The following CDKAL1 variants were observed in gnomAD, a reference collection of about 807,000 sequenced individuals.
CDKAL1 encodes the protein CDKAL1 threonylcarbamoyladenosine tRNA methylthiotransferase, also known as threonylcarbamoyladenosine tRNA methylthiotransferase.
In CDKAL1, 32 loss-of-function variants were observed where a neutral mutation model predicts 68.2. The ratio of observed to expected loss-of-function variants is 0.47; its 90% confidence interval spans 0.35 to 0.63. The LOEUF (loss-of-function observed/expected upper bound fraction) is 0.63, where lower values mean the gene tolerates loss of function less well. Among genes scored for constraint, CDKAL1 ranks in the 30% least tolerant of loss-of-function variants. The pLI, the probability that CDKAL1 is intolerant of heterozygous loss-of-function variation, is 0.00. For missense variants in CDKAL1, 606 were observed against 696.7 expected, an observed-to-expected ratio of 0.87 and a Z score of 1.47; for synonymous variants, 234 against 244.3, an observed-to-expected ratio of 0.96 and a Z score of 0.39.
chr6:20,888,625 G>T (rs1289894978), intron 9 of CDKAL1, among the ~76,000 whole-genome samples: 1 of 146,820 alleles, frequency 6.8e-6, no homozygotes, highest in Non-Finnish European at 1.5e-5. Flanking sequence ...GAGGTGTTTG[G>T]TTTTTTGTCC....
At chr6:20,650,426 C>G (rs928771529) in intron 5 of CDKAL1, among the ~76,000 whole-genome samples, 1 of 151,724 alleles carries the variant, frequency 6.6e-6, no homozygotes, top group Non-Finnish European at 1.5e-5. Flanking sequence ...TCCTATATAT[C>G]TGTTTACATT....
intron 15 of CDKAL1, among the ~76,000 whole-genome samples, chr6:21,217,560 C>G (rs777213638): frequency 1.3e-5 from 2 of 151,904 alleles, no homozygotes; most frequent in Non-Finnish European, 2.9e-5. Context: ...TGCAATAACA[C>G]GATCTCGGCT....
chr6:20,928,842 T>G (rs561486871), intron 9 of CDKAL1, among the ~76,000 whole-genome samples: 7 of 152,210 alleles, frequency 4.6e-5, no homozygotes, highest in African/African-American at 1.7e-4. Flanking sequence ...TCTCCAGTAT[T>G]CTTTTATAAG....
At chr6:20,557,954 T>TCAAA (rs1764124780) in intron 4 of CDKAL1, among the ~76,000 whole-genome samples, 1 of 151,208 alleles carries the variant, frequency 6.6e-6, no homozygotes, top group South Asian at 2.1e-4. Flanking sequence ...AACAAACACA[T>TCAAA]CAAACAAACA....
chr6:21,157,646 C>A (rs1392808634), intron 13 of CDKAL1, among the ~76,000 whole-genome samples: 1 of 152,174 alleles, frequency 6.6e-6, no homozygotes, highest in Non-Finnish European at 1.5e-5. Flanking sequence ...TCATCCTAAC[C>A]AAAATCAGTA....
At chr6:21,186,567 G>C (rs1778023195) in intron 13 of CDKAL1, among the ~76,000 whole-genome samples, 1 of 152,126 alleles carries the variant, frequency 6.6e-6, no homozygotes, top group African/African-American at 2.4e-5. Context: ...TGAGCAAGCT[G>C]ATCATGCCAT....
intron 13 of CDKAL1, among the ~76,000 whole-genome samples, chr6:21,130,724 G>C (rs1402476241): frequency 6.6e-6 from 1 of 152,108 alleles, no homozygotes; most frequent in Non-Finnish European, 1.5e-5. Flanking sequence ...CTTTTTACTT[G>C]TCTACTGGTG....
intron 5 of CDKAL1, among the ~76,000 whole-genome samples, chr6:20,699,029 A>G (rs998235150): frequency 8.5e-5 from 13 of 152,110 alleles, no homozygotes; most frequent in African/African-American, 3.1e-4. Context: ...CCATTTTTTT[A>G]AAGTCAGAAA....
At chr6:20,699,211 C>T (rs1356044164) in intron 5 of CDKAL1, among the ~76,000 whole-genome samples, 1 of 152,014 alleles carries the variant, frequency 6.6e-6, no homozygotes, top group African/African-American at 2.4e-5. Flanking sequence ...GGTGGTTTTG[C>T]AGACAGGTGA....
chr6:21,205,540 G>GTTTT (rs145221533), intron 15 of CDKAL1, among the ~76,000 whole-genome samples: 11 of 151,152 alleles, frequency 7.3e-5, no homozygotes, highest in African/African-American at 1.5e-4. Flanking sequence ...GTTTTGTTTT[G>GTTTT]TTTTTTTTGA....
intron 13 of CDKAL1, among the ~76,000 whole-genome samples, chr6:21,131,102 C>G (rs185308226): frequency 6.6e-6 from 1 of 152,130 alleles, no homozygotes; most frequent in Non-Finnish European, 1.5e-5. Flanking sequence ...GGCAATATTA[C>G]GTATATGTCT....
chr6:21,042,946 AACAG>A (rs768014836), intron 11 of CDKAL1, among the ~76,000 whole-genome samples: 5 of 152,204 alleles, frequency 3.3e-5, no homozygotes, highest in Non-Finnish European at 7.3e-5. Flanking sequence ...GTGTATAAAA[AACAG>A]ACATAGAGAT....
intron 6 of CDKAL1, among the ~76,000 whole-genome samples, chr6:20,754,539 T>A (rs1774086180): frequency 6.6e-6 from 1 of 152,334 alleles, no homozygotes; most frequent in Middle Eastern, 3.4e-3. Flanking sequence ...TTGCATTTCC[T>A]GGTTGGCTAA....
At chr6:21,061,112 T>C (rs2150926651) in intron 11 of CDKAL1, among the ~76,000 whole-genome samples, 1 of 152,304 alleles carries the variant, frequency 6.6e-6, no homozygotes, top group East Asian at 1.9e-4. Context: ...TTAAAATATT[T>C]ATGGCTTTCT....
chr6:20,894,147 A>T (rs550865339), intron 9 of CDKAL1, among the ~76,000 whole-genome samples: 4 of 152,310 alleles, frequency 2.6e-5, no homozygotes, highest in East Asian at 3.9e-4. Context: ...CTAAAGTGTT[A>T]TTTTGGTGAC....
Position 20,826,185 on chromosome 6 carries a change from C to T in CDKAL1, c.639-19890C>T, listed in dbSNP as rs568166128. Among the ~76,000 whole-genome samples the T allele has an allele frequency of 1.8e-3, 278 of 152,208 alleles. 1 individual carries two copies. The highest frequency in any genetic ancestry group is 2.9e-3 in the Non-Finnish European group (200 of 68,010). ...ACTTTTCCACTCTCATGGGCTCAACCTAGGTGTCTTCACAAGAGAATGGTT... is the reference window on the plus strand; with the variant it reads ...ACTTTTCCACTCTCATGGGCTCAACTTAGGTGTCTTCACAAGAGAATGGTT... On this transcript the variant is annotated intron_variant, in intron 8 of 15. Transcript: ENST00000274695.
At chr6:20,964,182 G>C (rs1279479641) in intron 10 of CDKAL1, among the ~76,000 whole-genome samples, 2 of 152,216 alleles carry the variant, frequency 1.3e-5, no homozygotes, top group Admixed American at 1.3e-4. Flanking sequence ...AGGGTACGGA[G>C]AAAAAGGAAT....
At chr6:20,583,179 G>C (rs1382554270) in intron 4 of CDKAL1, among the ~76,000 whole-genome samples, 3 of 152,084 alleles carry the variant, frequency 2.0e-5, no homozygotes, top group African/African-American at 7.2e-5. Flanking sequence ...TTTTCATGCT[G>C]TTCTATTCAC....
At chr6:20,934,598 A>G (rs1443688070) in intron 9 of CDKAL1, among the ~76,000 whole-genome samples, 3 of 152,038 alleles carry the variant, frequency 2.0e-5, no homozygotes, top group Admixed American at 2.0e-4. Context: ...TAATCCCAGC[A>G]CTTTGGGAGG....
Sources: gnomAD v4.1 joint callset for allele counts (sites outside exome capture counted in the v4.1 genomes callset) on GRCh38, gnomAD v4.1.1 for gene constraint, MANE v1.5 for transcripts, NCBI Gene and HGNC (gene_info 2026-07-23, HGNC 2026-07-21) for gene names.